CHRNA7: variants seen among roughly 807,000 people sequenced by gnomAD.
CHRNA7 encodes neuronal acetylcholine receptor subunit alpha-7.
Under a neutral mutation model 48.0 loss-of-function variants are expected in CHRNA7, and 17 were observed. The observed-to-expected ratio is 0.35, with a 90% CI of 0.24 to 0.53. CHRNA7 has a LOEUF of 0.53. Ranked by LOEUF, CHRNA7 falls within the 20% of genes least tolerant of loss-of-function variation. The pLI, the probability that CHRNA7 is intolerant of heterozygous loss-of-function variation, is 0.92. For synonymous variants in CHRNA7, 75 were observed against 242.3 expected, an observed-to-expected ratio of 0.31 and a Z score of 6.41; for missense variants, 155 against 577.7, an observed-to-expected ratio of 0.27 and a Z score of 7.50.
intron 2 of CHRNA7, among the ~76,000 whole-genome samples, chr15:32,081,833 T>G (rs1032282491): frequency 6.6e-6 from 1 of 152,176 alleles, no homozygotes; most frequent in African/African-American, 2.4e-5. Flanking sequence ...TTCTCTCCAC[T>G]CTTCCTTCTT....
rs2050228953 is a variant in CHRNA7, at chr15:32,082,283, A to C, written c.196-19020A>C. ...GTGAAGTGTTGGTCATTATTCATGT[A>C]CTTTTTCAACTCCACCTTCTTCTTT... On this transcript the variant is annotated intron_variant, in intron 2 of 9. Coordinates refer to ENST00000306901, the MANE Select transcript of CHRNA7 (RefSeq NM_000746.6). 2.0e-5 allele frequency among the ~76,000 whole-genome samples: 3 copies of C among 151,878 alleles called. No homozygotes were observed. In the South Asian group the frequency reaches 6.2e-4, roughly 31 times the overall value.
At chr15:32,070,726 G>A (rs564957322) in intron 2 of CHRNA7, among the ~76,000 whole-genome samples, 59 of 115,274 alleles carry the variant, frequency 5.1e-4, no homozygotes, top group Non-Finnish European at 6.8e-4. Flanking sequence ...TTGCTCTGTC[G>A]CCCAGGCTGG....
intron 2 of CHRNA7, among the ~76,000 whole-genome samples, chr15:32,088,855 C>T (rs1336413047): frequency 2.0e-5 from 3 of 151,826 alleles, no homozygotes; most frequent in African/African-American, 7.3e-5. Flanking sequence ...AAATTGTATC[C>T]CAGTCTGTAG....
chr15:32,139,087 T>C (rs936080801), intron 4 of CHRNA7, among the ~76,000 whole-genome samples: 4 of 152,192 alleles, frequency 2.6e-5, no homozygotes, highest in African/African-American at 4.8e-5. Context: ...GCTTTACTTT[T>C]CCTAGAATAT....
chr15:32,128,100 A>C lies in CHRNA7; in HGVS notation c.350+16201A>C, dbSNP rs566700959. Among the ~76,000 whole-genome samples, 67 of 152,104 alleles carry C rather than the reference A, an allele frequency of 4.4e-4. No homozygotes were observed. In the South Asian group the frequency reaches 6.8e-3, roughly 16 times the overall value. The stretch of plus-strand genomic sequence containing the variant: ...TCCTCTTCTGAATTGCTTTGAAAAA[A>C]TCAGTTGGGTATATTTGTGTGGGTC... On this transcript the variant is annotated intron_variant, in intron 4 of 9. Transcript: ENST00000306901.
At chr15:32,064,815 A>T (rs1428858269) in intron 2 of CHRNA7, among the ~76,000 whole-genome samples, 1 of 152,186 alleles carries the variant, frequency 6.6e-6, no homozygotes, top group Admixed American at 6.5e-5. Flanking sequence ...ACCTATGCTC[A>T]TCATACAGAG....
intron 2 of CHRNA7, among the ~76,000 whole-genome samples, chr15:32,081,701 A>G (rs1387084864): frequency 2.0e-5 from 3 of 152,150 alleles, no homozygotes. Context: ...ATACATTAAA[A>G]CCATCTCAGA....
intron 3 of CHRNA7, among the ~76,000 whole-genome samples, chr15:32,110,082 A>G (rs2050738588): frequency 6.6e-6 from 1 of 152,216 alleles, no homozygotes. Context: ...CTGTGTGGTA[A>G]TAATGGTGAA....
chr15:32,115,634 G>A (rs894145933), intron 4 of CHRNA7, among the ~76,000 whole-genome samples: 1 of 152,064 alleles, frequency 6.6e-6, no homozygotes, highest in African/African-American at 2.4e-5. Flanking sequence ...AGTTAGCAAG[G>A]GAAACCTCCC....
rs1235854195 is a variant in CHRNA7, at chr15:32,170,791, T to TA, written c.*2335dup. Reference sequence around the variant, plus strand: ...ATTTCTAGAAAGGAAGAAAAGAAGATAAGAGGCCAAAGAAGGAGGGACGGG... The same window carrying TA: ...ATTTCTAGAAAGGAAGAAAAGAAGATAAAGAGGCCAAAGAAGGAGGGACGGG... On this transcript the variant is annotated 3_prime_UTR_variant, in exon 10 of 10. Coordinates refer to ENST00000306901, the MANE Select transcript of CHRNA7 (RefSeq NM_000746.6). 1.2e-4 allele frequency: 9 copies of TA among 72,938 alleles called. No homozygotes were observed. The highest frequency in any genetic ancestry group is 9.7e-4 in the East Asian group (2 of 2,056). 4.5% of individuals were successfully genotyped at this position (72,938 alleles called of 1,614,324 possible). A position where few individuals can be genotyped will look rare whatever the true frequency, so the allele number is the denominator to read the frequency against.
intron 2 of CHRNA7, among the ~76,000 whole-genome samples, chr15:32,095,082 T>C (rs564097821): frequency 6.6e-6 from 1 of 152,384 alleles, no homozygotes; most frequent in Admixed American, 6.5e-5. Context: ...GGACTACCCC[T>C]AGCCCACATG....
intron 2 of CHRNA7, among the ~76,000 whole-genome samples, chr15:32,037,023 GGTTTTCCTCTATTATCTTCTAGGA>G: frequency 6.6e-6 from 1 of 152,172 alleles, no homozygotes; most frequent in Admixed American, 6.5e-5. Flanking sequence ...AGGTCATACA[GGTTTTCCTCTATTATCTTCTAGGA>G]GTTTTATAGT....
intron 3 of CHRNA7, among the ~76,000 whole-genome samples, chr15:32,109,684 A>C (rs973277736): frequency 3.3e-5 from 5 of 152,220 alleles, no homozygotes; most frequent in Admixed American, 2.6e-4. Context: ...TGACTGACTA[A>C]AACATCCTAG....
chr15:32,044,188 T>G (rs1340539860), intron 2 of CHRNA7, among the ~76,000 whole-genome samples: 2 of 152,216 alleles, frequency 1.3e-5, no homozygotes, highest in Non-Finnish European at 2.9e-5. Flanking sequence ...AATGACTTAT[T>G]GAATCTGTTC....
At chr15:32,053,685 T>A (rs912307443) in intron 2 of CHRNA7, among the ~76,000 whole-genome samples, 2 of 152,192 alleles carry the variant, frequency 1.3e-5, no homozygotes, top group African/African-American at 4.8e-5. Flanking sequence ...AGCTTGAAGA[T>A]ACCGCAGAGG....
intron 2 of CHRNA7, among the ~76,000 whole-genome samples, chr15:32,037,585 T>A (rs553143706): frequency 5.4e-4 from 83 of 152,304 alleles, no homozygotes; most frequent in African/African-American, 1.9e-3. Flanking sequence ...CTTTATTTTG[T>A]TTGTAAGAAT....
At chr15:32,132,984 G>A (rs973802219) in intron 4 of CHRNA7, among the ~76,000 whole-genome samples, 1 of 152,190 alleles carries the variant, frequency 6.6e-6, no homozygotes, top group African/African-American at 2.4e-5. Context: ...ATGAACCTCT[G>A]GTGTGGACTT....
rs2050559206 is a variant in CHRNA7 at position 32,100,864 on chromosome 15, TG to T, written c.196-434del. 2.9e-5 allele frequency: 5 copies of T among 174,990 alleles called. No individual in the cohort carries two copies. In the South Asian group the frequency reaches 7.5e-4, roughly 26 times the overall value. 10.8% of individuals were successfully genotyped at this position (174,990 alleles called of 1,614,324 possible). ...CCACACAGGGCCATGGCCCCTTTCC[TG>T]GGGGAGGGAGGCATAACATACTTGT... On this transcript the variant is annotated intron_variant, in intron 2 of 9. Transcript: ENST00000306901.
chr15:32,052,317 ATGTGCTCTCTAATT>A (rs903289461), intron 2 of CHRNA7, among the ~76,000 whole-genome samples: 3 of 152,066 alleles, frequency 2.0e-5, no homozygotes, highest in Non-Finnish European at 4.4e-5. Context: ...TAAATATCAT[ATGTGCTCTCTAATT>A]TGTGGAAGCT....
Sources: allele counts gnomAD v4.1 joint callset (sites outside exome capture counted in the v4.1 genomes callset), GRCh38; gene constraint gnomAD v4.1.1; transcripts MANE v1.5; gene names NCBI Gene and HGNC (gene_info 2026-07-23, HGNC 2026-07-21).